The following CACNA1C variants were observed in gnomAD, a reference collection of about 807,000 sequenced individuals.
CACNA1C encodes calcium voltage-gated channel subunit alpha1 C, also known as voltage-dependent L-type calcium channel subunit alpha-1C.
Under a neutral mutation model 229.0 loss-of-function variants are expected in CACNA1C, and 30 were observed. The ratio of observed to expected loss-of-function variants is 0.13; its 90% CI spans 0.10 to 0.18. The LOEUF (loss-of-function observed/expected upper bound fraction) is 0.18. Ranked by LOEUF, CACNA1C falls within the 10% of genes least tolerant of loss-of-function variation. The pLI is 1.00. For missense variants in CACNA1C, 1,658 were observed against 2,845.0 expected (o/e 0.58, Z 9.49); for synonymous variants, 1,114 against 1,132.5 (o/e 0.98, Z 0.33).
chr12:2,014,988 C>A (rs1302818279), intron 1 of CACNA1C, among the ~76,000 whole-genome samples: 1 of 152,156 alleles, frequency 6.6e-6, no homozygotes, highest in African/African-American at 2.4e-5. Flanking sequence ...AATAGTATAT[C>A]CTTGAGCCAC....
At position 2,136,322 on chromosome 12, in the gene CACNA1C, G is replaced by A. The variant is rs59155567; in HGVS notation, c.477+15892G>A. 3.1e-3 allele frequency among the ~76,000 whole-genome samples: 465 copies of A among 151,348 alleles called. 16 individuals are homozygous for A. The East Asian group carries it at 0.076, about 25-fold the overall frequency. On this transcript the variant is annotated intron_variant, in intron 3 of 46. Transcript: ENST00000399655. ...TATTCGGCCATCTTGGCTCCTCCTCGAGACCTTTCTTGTAATCACCCCATT... is the reference window on the plus strand; with the variant it reads ...TATTCGGCCATCTTGGCTCCTCCTCAAGACCTTTCTTGTAATCACCCCATT...
chr12:2,049,332 G>A (rs1043621423), upstream of CACNA1C: 1 of 152,204 alleles, frequency 6.6e-6, no homozygotes, highest in African/African-American at 2.4e-5. Context: ...GGGTTGTTTG[G>A]AGGAGCAAAT....
At chr12:2,135,821 G>A (rs1335896418) in intron 3 of CACNA1C, among the ~76,000 whole-genome samples, 2 of 146,696 alleles carry the variant, frequency 1.4e-5, no homozygotes, top group Non-Finnish European at 3.0e-5. Flanking sequence ...TCCTTGAGCT[G>A]TGGTAGGCTC....
At chr12:2,480,206 A>G (rs374280757) in intron 5 of CACNA1C, among the ~76,000 whole-genome samples, 89 of 152,278 alleles carry the variant, frequency 5.8e-4, no homozygotes, top group African/African-American at 1.9e-3. Context: ...CATGGGGCTG[A>G]CAGACGGAGA....
intron 4 of CACNA1C, among the ~76,000 whole-genome samples, chr12:2,456,299 T>A (rs2099417931): frequency 6.6e-6 from 1 of 152,222 alleles, no homozygotes; most frequent in African/African-American, 2.4e-5. Context: ...AGCCACCCAG[T>A]GTCTCGCGCC....
chr12:2,679,653 C>G lies in CACNA1C; in HGVS notation c.5301C>G (p.Ile1767Met). 1 of 1,613,844 alleles carries G rather than the reference C, an allele frequency of 6.2e-7. No homozygotes were observed. The highest frequency in any genetic ancestry group is 1.1e-5 in the South Asian group (1 of 91,060). ...CGTCCACCGGCTCCAACGCCAACAT[C>G]AACAACGCCAACAACACCGCCCTGG... ...SYSSTGSNAN[I>M]NNANNTALGR... The change falls in exon 42 of 47, where the codon ATC becomes ATG. Residue 1767 changes from isoleucine to methionine, a missense_variant. Physicochemically the swap from Ile to Met is conservative, Grantham distance 10. This residue lies in a region of CACNA1C where 590 missense variants were observed against 700.8 expected (regional missense o/e 0.84). Transcript: ENST00000399655. This position sits in a 1 kb window ranked among gnomAD's most constrained non-coding sequence, Gnocchi z 5.5.
intron 3 of CACNA1C, among the ~76,000 whole-genome samples, chr12:2,258,599 G>A (rs2078882038): frequency 6.6e-6 from 1 of 152,176 alleles, no homozygotes; most frequent in Non-Finnish European, 1.5e-5. Context: ...GCTCCTCAGT[G>A]GGGTAACTGG....
intron 30 of CACNA1C, among the ~76,000 whole-genome samples, 197 bp from the exon 31 acceptor site, chr12:2,648,278 T>TG (rs2094548865): frequency 2.6e-5 from 4 of 152,176 alleles, no homozygotes; most frequent in Admixed American, 2.6e-4. Flanking sequence ...TTGATTGACA[T>TG]GAGACCCAGC....
At chr12:2,090,105 C>T (rs1233139312) in intron 1 of CACNA1C, among the ~76,000 whole-genome samples, 1 of 152,126 alleles carries the variant, frequency 6.6e-6, no homozygotes, top group African/African-American at 2.4e-5. Context: ...CCTCCAGCCC[C>T]TGGCAACCAC....
rs2047797857 is a variant in CACNA1C at position 2,029,124 on chromosome 12, G to T, written c.139+57923G>T. On this transcript the variant is annotated intron_variant, in intron 1 of 46. Transcript: ENST00000682462. This position sits in a 1 kb window ranked among gnomAD's most constrained non-coding sequence, Gnocchi z 4.9. ...GAACTGAGGCCCCATGAGTGGAAATGACTTGCTCAGTAATCTTAAGGGGCT... is the reference window on the plus strand; with the variant it reads ...GAACTGAGGCCCCATGAGTGGAAATTACTTGCTCAGTAATCTTAAGGGGCT... 6.6e-6 allele frequency among the ~76,000 whole-genome samples: 1 copy of T among 152,298 alleles called. No homozygotes were observed. Among genetic ancestry groups the T allele is most frequent in the South Asian group, 2.1e-4 (1 of 4,822 alleles).
At chr12:2,363,435 C>T (rs1368684501) in intron 3 of CACNA1C, among the ~76,000 whole-genome samples, 2 of 152,234 alleles carry the variant, frequency 1.3e-5, no homozygotes, top group Non-Finnish European at 2.9e-5. Flanking sequence ...AAATAAGTTA[C>T]CAACCCGTAC....
At chr12:2,159,670 T>C (rs1295885358) in intron 3 of CACNA1C, among the ~76,000 whole-genome samples, 1 of 150,288 alleles carries the variant, frequency 6.7e-6, no homozygotes, top group Non-Finnish European at 1.5e-5. Flanking sequence ...AACGGCATAA[T>C]CTCGGCTCAC....
rs375370446 is a variant in CACNA1C, at chr12:2,504,551, G to A, written c.1114-291G>A. The A allele has an allele frequency of 4.4e-5, 65 of 1,469,410 alleles. No homozygotes were observed. The highest frequency in any genetic ancestry group is 2.6e-4 in the African/African-American group (19 of 71,784). The allele number at this position is 1,469,410 out of a possible 1,614,324, so 91.0% of individuals were successfully genotyped here. ...GGTGTGTTGAGCGGGTAAGCTGACCGTTTCTATGTCCTCTCCACAACGCAG... is the reference window on the plus strand; with the variant it reads ...GGTGTGTTGAGCGGGTAAGCTGACCATTTCTATGTCCTCTCCACAACGCAG... On this transcript the variant is annotated intron_variant, in intron 7 of 46. Transcript: ENST00000399655. The surrounding 1 kb of genome is among the most constrained non-coding windows in gnomAD (Gnocchi z 6.8).
intron 9 of CACNA1C, among the ~76,000 whole-genome samples, chr12:2,516,866 A>T (rs2099797911): frequency 1.3e-5 from 2 of 152,212 alleles, no homozygotes; most frequent in South Asian, 4.1e-4. Context: ...TGGGAAGTCA[A>T]CAACATATAG....
intron 1 of CACNA1C, among the ~76,000 whole-genome samples, chr12:2,075,199 G>C (rs1333852268): frequency 6.6e-6 from 1 of 152,220 alleles, no homozygotes; most frequent in Non-Finnish European, 1.5e-5. Context: ...TGCAAGGGAT[G>C]ATAGGGAGGC....
rs1235575684 is a variant in CACNA1C at position 2,651,494 on chromosome 12, T to C, written c.3946-146T>C. 8.1e-7 allele frequency: 1 copy of C among 1,227,630 alleles called. No homozygotes were observed. The highest frequency in any genetic ancestry group is 1.2e-6 in the Non-Finnish European group (1 of 849,326). The allele number at this position is 1,227,630 out of a possible 1,614,324, so 76.0% of individuals were successfully genotyped here. A position where few individuals can be genotyped will look rare whatever the true frequency, so the allele number is the denominator to read the frequency against. On this transcript the variant is annotated intron_variant, in intron 31 of 46. Transcript: ENST00000399655. This position sits in a 1 kb window ranked among gnomAD's most constrained non-coding sequence, Gnocchi z 5.4. ...CACTCATTAAAGTGGGCGGCCGCCC[T>C]CCCATCGGAGGGGGAAGTCTAGTGC...
intron 6 of CACNA1C, among the ~76,000 whole-genome samples, chr12:2,490,435 A>G (rs1204072502): frequency 1.3e-5 from 2 of 151,408 alleles, no homozygotes; most frequent in African/African-American, 4.9e-5. Flanking sequence ...TGAGAAAAAG[A>G]TGCAAGAAAA....
At position 2,319,458 on chromosome 12, in the gene CACNA1C, C is replaced by T. The variant is rs1057099114; in HGVS notation, c.478-129518C>T. ...ACCATGCATCAGGAGGAAGAGACCT[C>T]GCTCCCACGCCACAGCCCCAGGCCC... On this transcript the variant is annotated intron_variant, in intron 3 of 46. Transcript: ENST00000399655. This position sits in a 1 kb window ranked among gnomAD's most constrained non-coding sequence, Gnocchi z 4.0. 2.6e-5 allele frequency among the ~76,000 whole-genome samples: 4 copies of T among 152,106 alleles called. No individual in the cohort carries two copies. The highest frequency in any genetic ancestry group is 2.1e-4 in the South Asian group (1 of 4,830).
Position 2,370,017 on chromosome 12 carries a change from A to C in CACNA1C, c.478-78959A>C, listed in dbSNP as rs555518759. Among the ~76,000 whole-genome samples the C allele has an allele frequency of 2.6e-5, 4 of 152,364 alleles. No individual in the cohort carries two copies. The South Asian group carries it at 8.3e-4, about 32-fold the overall frequency. ...TGCTGCTGTATAAGGAGATCTTAGA[A>C]ATCAATTAAAGAAACACATCCCCAT... On this transcript the variant is annotated intron_variant, in intron 3 of 46. Transcript: ENST00000399655.
Sources: allele counts gnomAD v4.1 joint callset (sites outside exome capture counted in the v4.1 genomes callset), GRCh38; gene constraint gnomAD v4.1.1; regional missense constraint gnomAD v4.1.1; non-coding constraint Gnocchi (gnomAD v3.1); transcripts MANE v1.5; gene names NCBI Gene and HGNC (gene_info 2026-07-23, HGNC 2026-07-21).